SPMIP2: variants seen among roughly 807,000 people sequenced by gnomAD.
The protein encoded by SPMIP2 is protein SPMIP2.
the SPMIP2 span, among the ~76,000 whole-genome samples, chr4:159,052,721 C>T: frequency 6.6e-6 from 1 of 151,150 alleles, no homozygotes; most frequent in Non-Finnish European, 1.5e-5. Context: ...GCAACCTCTG[C>T]CTTCCAGGTT....
the SPMIP2 span, among the ~76,000 whole-genome samples, chr4:159,022,008 A>C: frequency 6.6e-6 from 1 of 152,180 alleles, no homozygotes; most frequent in African/African-American, 2.4e-5. Context: ...TATTTTTTTA[A>C]CTTCTTTATT....
At chr4:159,039,828 A>T in the SPMIP2 span, among the ~76,000 whole-genome samples, 1 of 152,260 alleles carries the variant, frequency 6.6e-6, no homozygotes, top group Non-Finnish European at 1.5e-5. Context: ...CAGAGTTGAT[A>T]ACCACTTTAC....
At chr4:158,985,830 G>C in the SPMIP2 span, among the ~76,000 whole-genome samples, 2 of 152,084 alleles carry the variant, frequency 1.3e-5, no homozygotes, top group Non-Finnish European at 2.9e-5. Context: ...ATTAGGAAAA[G>C]AGGAAGTCAA....
chr4:158,972,893 A>G, the SPMIP2 span, among the ~76,000 whole-genome samples: 149,374 of 152,336 alleles, frequency 0.98, 73,292 homozygotes, highest in East Asian at 1. Flanking sequence ...CCTTCCCTTG[A>G]TGTATTAAAG....
the SPMIP2 span, among the ~76,000 whole-genome samples, chr4:159,033,315 A>G: frequency 6.4e-4 from 98 of 152,284 alleles, no homozygotes; most frequent in Middle Eastern, 3.4e-3. Flanking sequence ...GGGGGGAATG[A>G]ATAGGTGAAG....
the SPMIP2 span, among the ~76,000 whole-genome samples, chr4:159,044,154 C>T: frequency 6.6e-6 from 1 of 151,876 alleles, no homozygotes; most frequent in African/African-American, 2.4e-5. Flanking sequence ...TCTAGTATAA[C>T]ATTTTTAAAA....
chr4:158,957,216 T>A, the SPMIP2 span, among the ~76,000 whole-genome samples: 2 of 152,206 alleles, frequency 1.3e-5, no homozygotes, highest in Non-Finnish European at 2.9e-5. Context: ...CTATTTTAAA[T>A]CTTCTAATGA....
At chr4:159,052,952 A>ATT in the SPMIP2 span, among the ~76,000 whole-genome samples, 28 of 102,936 alleles carry the variant, frequency 2.7e-4, no homozygotes, top group East Asian at 2.2e-3. Flanking sequence ...TATTATTATT[A>ATT]TTATTTTTTT....
the SPMIP2 span, among the ~76,000 whole-genome samples, chr4:158,924,419 G>T: frequency 6.6e-6 from 1 of 152,176 alleles, no homozygotes; most frequent in African/African-American, 2.4e-5. Flanking sequence ...TGCTCTTGTT[G>T]CACAGACTGG....
chr4:159,058,665 A>T, the SPMIP2 span, among the ~76,000 whole-genome samples: 1 of 152,220 alleles, frequency 6.6e-6, no homozygotes, highest in East Asian at 1.9e-4. Context: ...CTAGAAATTC[A>T]CAGCTATTAC....
the SPMIP2 span, among the ~76,000 whole-genome samples, chr4:159,072,183 G>T: frequency 6.6e-6 from 1 of 152,090 alleles, no homozygotes; most frequent in Non-Finnish European, 1.5e-5. Flanking sequence ...GTGTTGTGGC[G>T]CATGCCTGTA....
the SPMIP2 span, among the ~76,000 whole-genome samples, chr4:158,958,882 A>G: frequency 1.3e-5 from 2 of 152,244 alleles, no homozygotes; most frequent in Non-Finnish European, 2.9e-5. Context: ...GGTTGTCAAT[A>G]CATTTAATTA....
chr4:158,904,405 A>G, the SPMIP2 span: 1 of 1,378,506 alleles, frequency 7.3e-7, no homozygotes, highest in East Asian at 2.3e-5. Flanking sequence ...AAAAGAAATA[A>G]TACTTTCTCA....
chr4:158,995,554 C>A, the SPMIP2 span, among the ~76,000 whole-genome samples: 1 of 152,142 alleles, frequency 6.6e-6, no homozygotes, highest in Admixed American at 6.6e-5. Flanking sequence ...ACCATGCTCA[C>A]CTCCTTTAGA....
At chr4:159,008,500 C>T in the SPMIP2 span, among the ~76,000 whole-genome samples, 100,396 of 151,840 alleles carry the variant, frequency 0.66, 33,295 homozygotes, top group Middle Eastern at 0.73. Context: ...ACCCGGGAGG[C>T]GGAGGTTGCA....
At chr4:158,905,884 C>T in the SPMIP2 span, 3 of 152,132 alleles carry the variant, frequency 2.0e-5, no homozygotes, top group African/African-American at 7.2e-5. Context: ...AGCAGTTAAC[C>T]AGGCTCTGAT....
At chr4:158,922,292 C>G in the SPMIP2 span, among the ~76,000 whole-genome samples, 1 of 152,164 alleles carries the variant, frequency 6.6e-6, no homozygotes, top group Non-Finnish European at 1.5e-5. Context: ...CCACTTGGAA[C>G]CCAACATCCC....
the SPMIP2 span, chr4:158,909,416 GGGTGAAACA>G: frequency 6.6e-6 from 1 of 151,446 alleles, no homozygotes; most frequent in Non-Finnish European, 1.5e-5. Context: ...CTGTGTACTC[GGGTGAAACA>G]GCTTTAAAAT....
At chr4:159,033,317 T>C in the SPMIP2 span, among the ~76,000 whole-genome samples, 3 of 151,970 alleles carry the variant, frequency 2.0e-5, no homozygotes, top group East Asian at 5.8e-4. Flanking sequence ...GGGGAATGAA[T>C]AGGTGAAGCA....
Sources: allele counts gnomAD v4.1 joint callset (sites outside exome capture counted in the v4.1 genomes callset), GRCh38; gene constraint gnomAD v4.1.1; transcripts MANE v1.5; gene names NCBI Gene and HGNC (gene_info 2026-07-23, HGNC 2026-07-21).